HIPK1: variants seen among roughly 807,000 people sequenced by gnomAD.
The protein encoded by HIPK1 is homeodomain-interacting protein kinase 1.
A neutral mutation model predicts 117.1 loss-of-function variants in HIPK1; 28 were observed. The observed-to-expected ratio is 0.24, with a 90% CI of 0.18 to 0.33. The LOEUF (loss-of-function observed/expected upper bound fraction) is 0.33. Ranked by LOEUF, HIPK1 falls within the 10% of genes least tolerant of loss-of-function variation. HIPK1 has a pLI of 1.00. For synonymous variants in HIPK1, 605 were observed against 562.5 expected (o/e 1.08, Z -1.07); for missense variants, 1,122 against 1,475.1 (o/e 0.76, Z 3.92).
intron 2 of HIPK1, among the ~76,000 whole-genome samples, chr1:113,944,189 G>A (rs1341610644): frequency 2.8e-3 from 10 of 3,632 alleles, no homozygotes; most frequent in Non-Finnish European, 7.0e-3. Context: ...TTTTTTTTTT[G>A]AGATGGAGTT....
Position 113,954,785 on chromosome 1 carries a change from C to G in HIPK1, c.1320+15C>G. 6.2e-7 allele frequency: 1 copy of G among 1,610,444 alleles called. No homozygotes were observed. The highest frequency in any genetic ancestry group is 8.5e-7 in the Non-Finnish European group (1 of 1,177,174). ...GGAGGCTTAAGGTCTGTCTTCCCTA[C>G]TATGCTTCCGACTCCTGTACTCCAC... On this transcript the variant is annotated intron_variant, in intron 4 of 15. Transcript: ENST00000426820.
chr1:113,970,170 G>GAGTTGCT lies in HIPK1; in HGVS notation c.2987_2988insGTTGCTA (p.Asp996GlufsTer17). The stretch of plus-strand genomic sequence containing the variant: ...GCCTCCACTGAAAACTCAGCTTGGT[G>GAGTTGCT]ACTGCACTGTAGCAACCCAGGCCTC... On this transcript the variant is annotated frameshift_variant, in exon 14 of 16. Coordinates refer to ENST00000426820, the MANE Select transcript of HIPK1 (RefSeq NM_198268.3). LOFTEE classifies it high-confidence loss of function. The GAGTTGCT allele has an allele frequency of 1.2e-6, 2 of 1,614,160 alleles. No individual in the cohort carries two copies. Among genetic ancestry groups the GAGTTGCT allele is most frequent in the Non-Finnish European group, 1.7e-6 (2 of 1,180,032 alleles).
At chr1:113,967,413 C>A (rs112952512) in intron 11 of HIPK1, among the ~76,000 whole-genome samples, 1 of 152,266 alleles carries the variant, frequency 6.6e-6, no homozygotes, top group East Asian at 1.9e-4. Flanking sequence ...TGGATATAAG[C>A]CATTTTAACT....
intron 12 of HIPK1, 55 bp downstream of exon 12, chr1:113,968,003 G>T (rs1672568390): frequency 1.1e-5 from 16 of 1,494,774 alleles, no homozygotes; most frequent in Non-Finnish European, 1.5e-5. Flanking sequence ...GAGATATGTT[G>T]CCTTGCATTT....
chr1:113,929,956 A>G, intron 1 of HIPK1: 1 of 985,174 alleles, frequency 1.0e-6, no homozygotes, highest in South Asian at 4.7e-5. Flanking sequence ...GGGGACGGGC[A>G]GGAGGGGTCC....
intron 1 of HIPK1, chr1:113,929,794 G>A (rs1241999841): frequency 1.0e-6 from 1 of 974,866 alleles, no homozygotes; most frequent in Non-Finnish European, 1.2e-6. Flanking sequence ...GACGGGCGCG[G>A]GGACGGCTCC....
In HIPK1 at chr1:113,970,123, C is replaced by T. The variant is rs568980803; in HGVS notation, c.2939C>T (p.Thr980Ile). 7.4e-6 allele frequency: 12 copies of T among 1,614,184 alleles called. No individual in the cohort carries two copies. The Admixed American group carries it at 8.3e-5, about 11-fold the overall frequency. Residue 980 changes from threonine to isoleucine, a missense_variant, in exon 14 of 16, where the codon ACT (threonine) becomes ATT (isoleucine). Coordinates refer to ENST00000426820, the MANE Select transcript of HIPK1 (RefSeq NM_198268.3). ...CCTGGCAGAGTTGTGGCAGATGGCA[C>T]TGGCACCCGCACTATCATTGTGCCT... Reference protein sequence around the residue: ...EGPGRVVADGTGTRTIIVPPL... With the variant: ...EGPGRVVADGIGTRTIIVPPL...
chr1:113,950,491 A>G (rs1369612043), intron 2 of HIPK1, among the ~76,000 whole-genome samples: 1 of 152,108 alleles, frequency 6.6e-6, no homozygotes, highest in African/African-American at 2.4e-5. Context: ...CTTGGATCCA[A>G]ATAGCTTGGG....
intron 10 of HIPK1, among the ~76,000 whole-genome samples, chr1:113,964,309 T>C (rs534167773): frequency 6.6e-6 from 1 of 152,356 alleles, no homozygotes; most frequent in East Asian, 1.9e-4. Context: ...AATATCTTTG[T>C]TATTAAAAGT....
chr1:113,971,673 G>C, intron 14 of HIPK1, 151 bp from the exon 15 acceptor site: 1 of 557,066 alleles, frequency 1.8e-6, no homozygotes, highest in Non-Finnish European at 2.9e-6. Context: ...GAAAAGAAAT[G>C]GGTGATAACA....
At chr1:113,950,744 C>A (rs1170019005) in intron 2 of HIPK1, among the ~76,000 whole-genome samples, 3 of 152,190 alleles carry the variant, frequency 2.0e-5, no homozygotes, top group Non-Finnish European at 4.4e-5. Context: ...CTCAAGCAAT[C>A]CACTCACCTT....
intron 2 of HIPK1, among the ~76,000 whole-genome samples, chr1:113,946,570 C>G (rs1671006521): frequency 1.3e-5 from 2 of 151,990 alleles, no homozygotes; most frequent in Non-Finnish European, 2.9e-5. Context: ...GGTTGCTGAT[C>G]TTTGTATTTT....
chr1:113,958,059 T>C lies in HIPK1; in HGVS notation c.1756-7T>C, dbSNP rs1176672608. The C allele has an allele frequency of 6.2e-7, 1 of 1,604,920 alleles. No individual in the cohort carries two copies. The highest frequency in any genetic ancestry group is 8.5e-7 in the Non-Finnish European group (1 of 1,171,682). ...CAAGTGTACAAATATAATCCTTTTG[T>C]TTTTAGGCCAGTGTTCTAGCTTCCA... is the stretch of plus-strand genomic sequence containing the variant. On this transcript the variant is annotated splice_region_variant and splice_polypyrimidine_tract_variant and intron_variant, in intron 7 of 15. Transcript: ENST00000426820.
At chr1:113,970,308 C>T in intron 14 of HIPK1, 111 bp downstream of exon 14, 1 of 1,163,488 alleles carries the variant, frequency 8.6e-7, no homozygotes. Context: ...TGTAGACATT[C>T]TTAAAGAGAC....
chr1:113,970,340 C>G (rs1672738050), intron 14 of HIPK1, 143 bp downstream of exon 14: 1 of 846,660 alleles, frequency 1.2e-6, no homozygotes, highest in Non-Finnish European at 1.8e-6. Context: ...AATCAGTTCC[C>G]TGCACAATGT....
At chr1:113,933,177 T>TA (rs1313521247) in intron 1 of HIPK1, 1 of 985,210 alleles carries the variant, frequency 1.0e-6, no homozygotes, top group East Asian at 1.1e-4. Context: ...TTGATTTTGA[T>TA]ACAAAGCAAC....
intron 2 of HIPK1, among the ~76,000 whole-genome samples, chr1:113,944,619 G>A (rs1246426742): frequency 6.6e-6 from 1 of 151,490 alleles, no homozygotes; most frequent in Non-Finnish European, 1.5e-5. Context: ...GAGTAGCTGG[G>A]AATACAGGTG....
intron 1 of HIPK1, among the ~76,000 whole-genome samples, chr1:113,932,638 C>G (rs1047682112): frequency 8.5e-5 from 13 of 152,050 alleles, no homozygotes; most frequent in Admixed American, 7.9e-4. Flanking sequence ...CTCGGCCTCC[C>G]AAAGTGCTGA....
chr1:113,940,424 C>G lies in HIPK1; in HGVS notation c.41C>G (p.Ser14Trp). ...QLQVFSPPSVSSSAFCSAKKL... is the reference protein window; with the variant it reads ...QLQVFSPPSVWSSAFCSAKKL... Reference sequence around the variant, plus strand: ...CAAGTGTTTTCGCCCCCATCAGTGTCGTCGAGTGCCTTCTGCAGTGCGAAG... The same window carrying G: ...CAAGTGTTTTCGCCCCCATCAGTGTGGTCGAGTGCCTTCTGCAGTGCGAAG... Residue 14 changes from serine to tryptophan, a missense_variant, in exon 2 of 16, where the codon TCG becomes TGG. Ser to Trp is a radical substitution (Grantham distance 177, BLOSUM62 -3). Transcript: ENST00000426820. The G allele has an allele frequency of 6.2e-7, 1 of 1,613,190 alleles. No homozygotes were observed. The highest frequency in any genetic ancestry group is 8.5e-7 in the Non-Finnish European group (1 of 1,179,398).
Sources: allele counts gnomAD v4.1 joint callset (sites outside exome capture counted in the v4.1 genomes callset), GRCh38; gene constraint gnomAD v4.1.1; transcripts MANE v1.5; gene names NCBI Gene and HGNC (gene_info 2026-07-23, HGNC 2026-07-21).